The following C5orf58 variants were observed in gnomAD, a reference collection of about 807,000 sequenced individuals.
C5orf58 encodes putative uncharacterized protein C5orf58.
In C5orf58, 2 loss-of-function variants were observed where a neutral mutation model predicts 2.9. That is an observed-to-expected ratio of 0.69 (90% confidence interval 0.28 to 2.18). The LOEUF is 2.18. C5orf58 is among the 30% of genes most tolerant of loss of function. The pLI, the probability that C5orf58 is intolerant of heterozygous loss-of-function variation, is 0.13. For missense variants in C5orf58, 96 were observed against 91.7 expected (o/e 1.05, Z -0.19); for synonymous variants, 37 against 33.4 (o/e 1.11, Z -0.37).
At chr5:170,243,488 A>G (rs1247667066) in intron 3 of C5orf58, among the ~76,000 whole-genome samples, 1 of 151,724 alleles carries the variant, frequency 6.6e-6, no homozygotes, top group African/African-American at 2.4e-5. Context: ...TATATTTAGG[A>G]TAGTTAGCTC....
rs569410762 is a variant in C5orf58, at chr5:170,245,478, C to G, written c.95-484C>G. On this transcript the variant is annotated intron_variant, in intron 3 of 3. Coordinates refer to ENST00000593851, the MANE Select transcript of C5orf58 (RefSeq NM_001102609.3). ...AGGTGCGGGATATAATCTCGTGGTG[C>G]GCCGTTTTTTAAGCCGGTCTGAAAA... Among the ~76,000 whole-genome samples the G allele has an allele frequency of 1.5e-3, 227 of 152,294 alleles. 2 individuals are homozygous for G. The South Asian group carries it at 0.018, about 12-fold the overall frequency.
intron 3 of C5orf58, among the ~76,000 whole-genome samples, chr5:170,242,655 G>T (rs200934157): frequency 0.31 from 25,833 of 83,022 alleles, 3,637 homozygotes; most frequent in African/African-American, 0.34. Flanking sequence ...TGTGTCTATT[G>T]GATTCTTCTC....
intron 2 of C5orf58, 99 bp downstream of exon 2, chr5:170,234,297 C>A: frequency 3.0e-6 from 2 of 676,948 alleles, no homozygotes; most frequent in Non-Finnish European, 4.8e-6. Context: ...TGGAGTTTTT[C>A]AAGTCATTTT....
downstream of C5orf58, among the ~76,000 whole-genome samples, chr5:170,250,016 T>C (rs1292872759): frequency 6.6e-6 from 1 of 152,230 alleles, no homozygotes; most frequent in Non-Finnish European, 1.5e-5. Flanking sequence ...TTTCTATTCA[T>C]TAACATTATC....
chr5:170,234,598 AAGTT>A (rs1156237887), intron 2 of C5orf58, among the ~76,000 whole-genome samples: 2 of 152,220 alleles, frequency 1.3e-5, no homozygotes, highest in Non-Finnish European at 2.9e-5. Flanking sequence ...ATTCAAGAAT[AAGTT>A]AGAAAAAGAC....
chr5:170,245,834 CTT>C, intron 3 of C5orf58, 126 bp from the exon 4 acceptor site: 1 of 909,276 alleles, frequency 1.1e-6, no homozygotes, highest in South Asian at 1.8e-5. Context: ...ATGGGACACA[CTT>C]AAGTTGTGGT....
downstream of C5orf58, chr5:170,250,620 T>G: frequency 3.6e-6 from 3 of 831,234 alleles, no homozygotes; most frequent in Non-Finnish European, 6.1e-6. Context: ...CTCATGTGAT[T>G]TAATCCTAAA....
chr5:170,249,990 A>G (rs188778211), downstream of C5orf58, among the ~76,000 whole-genome samples: 46 of 152,296 alleles, frequency 3.0e-4, no homozygotes, highest in African/African-American at 1.0e-3. Flanking sequence ...ACATTTGATC[A>G]CAAGCATGCA....
chr5:170,241,409 G>C (rs1761002046), intron 3 of C5orf58, among the ~76,000 whole-genome samples: 1 of 151,402 alleles, frequency 6.6e-6, no homozygotes, highest in South Asian at 2.1e-4. Flanking sequence ...CTACCCATGA[G>C]CATGAAATGT....
At chr5:170,245,127 C>A (rs866225616) in intron 3 of C5orf58, among the ~76,000 whole-genome samples, 65 of 151,726 alleles carry the variant, frequency 4.3e-4, no homozygotes, top group Middle Eastern at 3.4e-3. Flanking sequence ...GCAGTCTGCC[C>A]GTTCTCAGAT....
intron 3 of C5orf58, among the ~76,000 whole-genome samples, chr5:170,236,773 AC>A (rs1760758287): frequency 6.6e-6 from 1 of 152,224 alleles, no homozygotes; most frequent in Non-Finnish European, 1.5e-5. Flanking sequence ...CCTCCAACAC[AC>A]CAGGTTAACT....
At chr5:170,236,434 A>G (rs1257525528) in intron 3 of C5orf58, among the ~76,000 whole-genome samples, 3 of 152,234 alleles carry the variant, frequency 2.0e-5, no homozygotes, top group East Asian at 3.8e-4. Context: ...ACAAATTTAC[A>G]GTACATATTA....
At chr5:170,250,973 C>A (rs967161511), downstream of C5orf58, 3 of 1,031,444 alleles carry the variant, frequency 2.9e-6, no homozygotes, top group African/African-American at 4.8e-5. Context: ...CTCTAGGGAT[C>A]TGACAAACAT....
At chr5:170,247,631 G>T (rs2076658525), downstream of C5orf58, 1 of 152,212 alleles carries the variant, frequency 6.6e-6, no homozygotes, top group Non-Finnish European at 1.5e-5. Context: ...AGTGATATTT[G>T]TAAACTGGAG....
At chr5:170,239,704 G>A (rs959662540) in intron 3 of C5orf58, among the ~76,000 whole-genome samples, 8 of 152,002 alleles carry the variant, frequency 5.3e-5, no homozygotes, top group South Asian at 2.1e-4. Flanking sequence ...TGATATAGCC[G>A]AGAAGTTGGG....
downstream of C5orf58, among the ~76,000 whole-genome samples, chr5:170,249,037 A>G (rs1173158740): frequency 6.6e-6 from 1 of 152,224 alleles, no homozygotes; most frequent in Admixed American, 6.5e-5. Context: ...AAGATAAAAT[A>G]TGGGCCGGGT....
intron 3 of C5orf58, among the ~76,000 whole-genome samples, chr5:170,241,433 T>G (rs1761003646): frequency 6.6e-6 from 1 of 151,448 alleles, no homozygotes; most frequent in African/African-American, 2.5e-5. Context: ...TCCATTTCTT[T>G]GTATCCTCTT....
downstream of C5orf58, chr5:170,248,933 G>A: frequency 2.8e-6 from 3 of 1,060,410 alleles, no homozygotes; most frequent in Non-Finnish European, 4.1e-6. Flanking sequence ...TGAGGATTGT[G>A]GGGGGAAAAA....
intron 3 of C5orf58, among the ~76,000 whole-genome samples, chr5:170,237,074 G>T (rs1216411687): frequency 6.6e-6 from 1 of 152,100 alleles, no homozygotes; most frequent in Non-Finnish European, 1.5e-5. Context: ...TTATCTAATT[G>T]TTCTAGTTTG....
Sources: allele counts gnomAD v4.1 joint callset (sites outside exome capture counted in the v4.1 genomes callset), GRCh38; gene constraint gnomAD v4.1.1; transcripts MANE v1.5; gene names NCBI Gene and HGNC (gene_info 2026-07-23, HGNC 2026-07-21).